The following WDFY4 variants were observed in gnomAD, a reference collection of about 807,000 sequenced individuals.
The protein encoded by WDFY4 is WD repeat- and FYVE domain-containing protein 4.
Under a neutral mutation model 351.9 loss-of-function variants are expected in WDFY4, and 169 were observed. The ratio of observed to expected loss-of-function variants is 0.48; its 90% CI spans 0.42 to 0.55. The LOEUF (loss-of-function observed/expected upper bound fraction) is 0.55, where lower values mean the gene tolerates loss of function less well. WDFY4 is among the 20% of genes least tolerant of loss of function. The probability of loss-of-function intolerance (pLI) is 0.00; values close to 1 mark genes in which losing one functional copy is unlikely to be tolerated. For synonymous variants in WDFY4, 1,622 were observed against 1,574.6 expected, an observed-to-expected ratio of 1.03 and a Z score of -0.71; for missense variants, 3,803 against 3,935.6, an observed-to-expected ratio of 0.97 and a Z score of 0.90.
At chr10:48,955,154 GA>G (rs1164158025) in intron 51 of WDFY4, among the ~76,000 whole-genome samples, 2 of 152,210 alleles carry the variant, frequency 1.3e-5, no homozygotes, top group African/African-American at 4.8e-5. Flanking sequence ...ACATTTCAAT[GA>G]GTGACTCGTT....
At chr10:48,719,386 C>T (rs1358726005) in intron 2 of WDFY4, among the ~76,000 whole-genome samples, 1 of 152,174 alleles carries the variant, frequency 6.6e-6, no homozygotes, top group Non-Finnish European at 1.5e-5. Context: ...TGAGAGAGCA[C>T]AGCGATGCTC....
intron 39 of WDFY4, among the ~76,000 whole-genome samples, chr10:48,856,203 C>T (rs1029354205): frequency 3.3e-5 from 5 of 152,060 alleles, no homozygotes; most frequent in African/African-American, 1.2e-4. Context: ...TGAAGAATAT[C>T]TGACTTCCCA....
intron 1 of WDFY4, among the ~76,000 whole-genome samples, chr10:48,692,903 A>G (rs1429772819): frequency 6.6e-6 from 1 of 152,192 alleles, no homozygotes; most frequent in Non-Finnish European, 1.5e-5. Context: ...TTCTAATGGC[A>G]GGATGGCCCA....
chr10:48,919,438 T>C (rs1447654677), intron 47 of WDFY4, among the ~76,000 whole-genome samples: 1 of 152,258 alleles, frequency 6.6e-6, no homozygotes, highest in East Asian at 1.9e-4. Flanking sequence ...AGTCTTATTG[T>C]TAAATTCTAT....
At position 48,894,803 on chromosome 10, in the gene WDFY4, A is replaced by T. The variant is rs531688042; in HGVS notation, c.7317-2651A>T. The stretch of plus-strand genomic sequence containing the variant: ...GAGTGGCCATGTCATCCCCACCAGT[A>T]CCTTGACCTGGGATGCTGCTAGACC... On this transcript the variant is annotated intron_variant, in intron 44 of 61. Transcript: ENST00000325239. Among the ~76,000 whole-genome samples, 7 of 152,260 alleles carry T rather than the reference A, an allele frequency of 4.6e-5. No homozygotes were observed. In the South Asian group the frequency reaches 1.5e-3, roughly 32 times the overall value.
At chr10:48,900,197 A>G (rs1242411135) in intron 45 of WDFY4, 24 bp from the exon 46 acceptor site, 70 of 1,547,316 alleles carry the variant, frequency 4.5e-5, no homozygotes, top group Non-Finnish European at 5.8e-5. Flanking sequence ...TATCAGGAGC[A>G]TTAAAAGGGG....
At position 48,768,351 on chromosome 10, in the gene WDFY4, C is replaced by T. The variant is rs564596246; in HGVS notation, c.2554-6107C>T. ...GGGCAGGGTATGGCCAGCAGCACAGCGAGCCCCTTTGCAGGGCACCCGAGG... is the reference window on the plus strand; with the variant it reads ...GGGCAGGGTATGGCCAGCAGCACAGTGAGCCCCTTTGCAGGGCACCCGAGG... On this transcript the variant is annotated intron_variant, in intron 13 of 61. Coordinates refer to ENST00000325239, the MANE Select transcript of WDFY4 (RefSeq NM_001394531.1). Among the ~76,000 whole-genome samples, 28 of 152,220 alleles carry T rather than the reference C, an allele frequency of 1.8e-4. No homozygotes were observed. The South Asian group carries it at 5.2e-3, about 28-fold the overall frequency.
At chr10:48,910,186 A>G in intron 47 of WDFY4, 1 of 1,451,892 alleles carries the variant, frequency 6.9e-7, no homozygotes, top group Non-Finnish European at 9.7e-7. Context: ...TCCTCTTCAG[A>G]GTCGTTTATT....
intron 42 of WDFY4, among the ~76,000 whole-genome samples, chr10:48,876,076 G>A (rs563945491): frequency 1.3e-5 from 2 of 152,266 alleles, no homozygotes; most frequent in African/African-American, 2.4e-5. Context: ...CAGAGCCCCT[G>A]GGTGTCTGTG....
chr10:48,922,374 C>T (rs1839161115), intron 47 of WDFY4, among the ~76,000 whole-genome samples: 1 of 151,960 alleles, frequency 6.6e-6, no homozygotes, highest in Non-Finnish European at 1.5e-5. Flanking sequence ...TTCAGATATG[C>T]CAAAGAGAGA....
chr10:48,802,814 G>C (rs1257501487), intron 24 of WDFY4: 1 of 473,728 alleles, frequency 2.1e-6, no homozygotes, highest in Non-Finnish European at 4.4e-6. Flanking sequence ...TGTAAAACCT[G>C]AAAATCTGTA....
chr10:48,860,481 A>G (rs527508449), intron 39 of WDFY4, among the ~76,000 whole-genome samples: 78 of 152,146 alleles, frequency 5.1e-4, no homozygotes, highest in Non-Finnish European at 8.7e-4. Flanking sequence ...TCCTTTTCTT[A>G]TGAGGACACT....
chr10:48,830,911 A>G, intron 38 of WDFY4, 26 bp downstream of exon 38: 8 of 1,541,340 alleles, frequency 5.2e-6, no homozygotes, highest in Non-Finnish European at 7.0e-6. Context: ...GCTCCAGGGA[A>G]TGGGAACTCC....
intron 46 of WDFY4, 109 bp from the exon 47 acceptor site, chr10:48,901,691 AG>A: frequency 1.7e-6 from 2 of 1,195,040 alleles, no homozygotes; most frequent in Non-Finnish European, 2.4e-6. Flanking sequence ...GGATGGAGCG[AG>A]GGGGAGCAAT....
At chr10:48,835,763 C>G (rs944500520) in intron 39 of WDFY4, among the ~76,000 whole-genome samples, 1 of 152,212 alleles carries the variant, frequency 6.6e-6, no homozygotes, top group Non-Finnish European at 1.5e-5. Flanking sequence ...TCTCCACTGA[C>G]CCCACTTTCC....
At chr10:48,853,073 G>C (rs995000555) in intron 39 of WDFY4, among the ~76,000 whole-genome samples, 1 of 152,134 alleles carries the variant, frequency 6.6e-6, no homozygotes, top group African/African-American at 2.4e-5. Flanking sequence ...CATTTACCAT[G>C]TTTAAACCAC....
intron 1 of WDFY4, among the ~76,000 whole-genome samples, chr10:48,690,877 A>G (rs1174058953): frequency 6.6e-6 from 1 of 152,146 alleles, no homozygotes; most frequent in Non-Finnish European, 1.5e-5. Context: ...AAAAGACAAC[A>G]CAAGTCCCCA....
intron 1 of WDFY4, among the ~76,000 whole-genome samples, chr10:48,691,738 G>A (rs1023363776): frequency 1.3e-5 from 2 of 152,244 alleles, no homozygotes; most frequent in Non-Finnish European, 2.9e-5. Context: ...AAAAGGATAA[G>A]CACAAACTAG....
At chr10:48,829,098 G>A (rs1035960912) in intron 37 of WDFY4, among the ~76,000 whole-genome samples, 1 of 152,158 alleles carries the variant, frequency 6.6e-6, no homozygotes, top group Non-Finnish European at 1.5e-5. Context: ...AGCAAGGCAA[G>A]CTGGTAGAAA....
Sources: gnomAD v4.1 joint callset for allele counts (sites outside exome capture counted in the v4.1 genomes callset) on GRCh38, gnomAD v4.1.1 for gene constraint, MANE v1.5 for transcripts, NCBI Gene and HGNC (gene_info 2026-07-23, HGNC 2026-07-21) for gene names.